SSBP2: variants seen among roughly 807,000 people sequenced by gnomAD.
SSBP2 encodes the protein single stranded DNA binding protein 2.
SSBP2 carries 17 observed loss-of-function variants against 61.8 expected under a neutral mutation model. The observed-to-expected ratio is 0.28, with a 90% CI of 0.19 to 0.41. The LOEUF (loss-of-function observed/expected upper bound fraction) is 0.41. Among genes scored for constraint, SSBP2 ranks in the 10% least tolerant of loss-of-function variants. The pLI, the probability that SSBP2 is intolerant of heterozygous loss-of-function variation, is 1.00. For synonymous variants in SSBP2, 139 were observed against 141.3 expected (o/e 0.98, Z 0.12); for missense variants, 310 against 458.7 (o/e 0.68, Z 2.96).
intron 1 of SSBP2, among the ~76,000 whole-genome samples, chr5:81,664,710 C>G (rs1750967518): frequency 6.6e-6 from 1 of 152,170 alleles, no homozygotes; most frequent in Admixed American, 6.5e-5. Flanking sequence ...TTTCTATACA[C>G]AAACAGGAAT....
At position 81,650,327 on chromosome 5, in the gene SSBP2, G is replaced by A. The variant is rs144521029; in HGVS notation, c.75C>T (p.Tyr25=). ...CTACATGGAGCAGATATTCATATAC[G>A]TAGAGTGCTAACCTGGAAAACAAAT... The change falls in exon 2 of 17, where the codon TAC becomes TAT. Residue 25 remains tyrosine, a synonymous_variant. Coordinates refer to ENST00000320672, the MANE Select transcript of SSBP2 (RefSeq NM_012446.5). 154 of 1,581,008 alleles carry A rather than the reference G, an allele frequency of 9.7e-5. No individual in the cohort carries two copies. The African/African-American group carries it at 1.6e-3, about 17-fold the overall frequency.
At chr5:81,576,919 T>G (rs1402400791) in intron 4 of SSBP2, among the ~76,000 whole-genome samples, 2 of 152,024 alleles carry the variant, frequency 1.3e-5, no homozygotes, top group South Asian at 2.1e-4. Flanking sequence ...TTAGTTTTCC[T>G]TGGCTGGGTT....
intron 9 of SSBP2, 22 bp from the exon 10 acceptor site, chr5:81,461,125 G>T: frequency 6.4e-7 from 1 of 1,560,874 alleles, no homozygotes; most frequent in Non-Finnish European, 8.7e-7. Context: ...TTTGATAAAT[G>T]AAATTTTAAC....
chr5:81,543,665 G>GA (rs887883090), intron 4 of SSBP2, among the ~76,000 whole-genome samples: 3 of 151,106 alleles, frequency 2.0e-5, no homozygotes, highest in East Asian at 1.9e-4. Context: ...AATAAAAGTT[G>GA]AAAAAAAAGA....
intron 14 of SSBP2, 64 bp from the exon 15 acceptor site, chr5:81,437,522 C>G: frequency 7.2e-7 from 1 of 1,381,860 alleles, no homozygotes; most frequent in Non-Finnish European, 1.0e-6. Context: ...TTAAACACTC[C>G]TTTAATTTAA....
intron 5 of SSBP2, among the ~76,000 whole-genome samples, chr5:81,510,986 T>A (rs1768561273): frequency 6.6e-6 from 1 of 152,108 alleles, no homozygotes; most frequent in Non-Finnish European, 1.5e-5. Flanking sequence ...CTGCAGTCCC[T>A]CTCAAGCTTC....
rs114202935 is a variant in SSBP2 at position 81,575,460 on chromosome 5, T to C, written c.282+40013A>G. 7.9e-3 allele frequency among the ~76,000 whole-genome samples: 1,209 copies of C among 152,266 alleles called. 12 individuals carry two copies. The highest frequency in any genetic ancestry group is 0.027 in the African/African-American group (1,131 of 41,548). The stretch of plus-strand genomic sequence containing the variant: ...AGGAAATGGTAATAGTATTATTTTA[T>C]ATCATATGTTAATAAATCAAGGATA... On this transcript the variant is annotated intron_variant, in intron 4 of 16. Coordinates refer to ENST00000320672, the MANE Select transcript of SSBP2 (RefSeq NM_012446.5).
chr5:81,725,636 G>C (rs1581426639), intron 1 of SSBP2, among the ~76,000 whole-genome samples: 2 of 152,264 alleles, frequency 1.3e-5, no homozygotes, highest in East Asian at 3.9e-4. Flanking sequence ...CCAGAGATGT[G>C]GTAAGTGCAT....
intron 15 of SSBP2, among the ~76,000 whole-genome samples, chr5:81,434,415 T>TC (rs778298882): frequency 6.6e-5 from 10 of 151,844 alleles, no homozygotes; most frequent in Non-Finnish European, 1.3e-4. Context: ...CCCAGAACTT[T>TC]GAGAGGCCGA....
At chr5:81,493,557 C>G (rs1231532057) in intron 5 of SSBP2, among the ~76,000 whole-genome samples, 1 of 152,110 alleles carries the variant, frequency 6.6e-6, no homozygotes, top group Non-Finnish European at 1.5e-5. Context: ...AGTTCAAGGC[C>G]ATCCTGGCCA....
intron 4 of SSBP2, among the ~76,000 whole-genome samples, chr5:81,563,368 C>A (rs1194609209): frequency 6.6e-6 from 1 of 152,022 alleles, no homozygotes; most frequent in East Asian, 1.9e-4. Flanking sequence ...TCAAAGCAGA[C>A]CATAGAACAA....
intron 3 of SSBP2, among the ~76,000 whole-genome samples, chr5:81,631,671 T>C (rs1347980690): frequency 6.6e-6 from 1 of 152,156 alleles, no homozygotes; most frequent in Non-Finnish European, 1.5e-5. Context: ...TGGGTCTACT[T>C]AGAATTATTT....
chr5:81,435,925 C>T (rs1051259931), intron 15 of SSBP2, among the ~76,000 whole-genome samples: 4 of 152,084 alleles, frequency 2.6e-5, no homozygotes, highest in South Asian at 2.1e-4. Flanking sequence ...CAGTGGGTCA[C>T]GCCTGTAATC....
Position 81,706,798 on chromosome 5 carries a change from A to G in SSBP2, c.62+44183T>C, listed in dbSNP as rs142320795. On this transcript the variant is annotated intron_variant, in intron 1 of 16. Coordinates refer to ENST00000320672, the MANE Select transcript of SSBP2 (RefSeq NM_012446.5). Reference sequence around the variant, plus strand: ...AACAAAACAGAGCTAGGTACTTGATAGTCTGATTAATCTCAACTTTCCTTC... The same window carrying G: ...AACAAAACAGAGCTAGGTACTTGATGGTCTGATTAATCTCAACTTTCCTTC... Among the ~76,000 whole-genome samples, 6 of 152,310 alleles carry G rather than the reference A, an allele frequency of 3.9e-5. No individual in the cohort carries two copies. The East Asian group carries it at 1.2e-3, about 29-fold the overall frequency.
At chr5:81,540,272 T>C (rs1448409758) in intron 4 of SSBP2, among the ~76,000 whole-genome samples, 1 of 152,212 alleles carries the variant, frequency 6.6e-6, no homozygotes, top group African/African-American at 2.4e-5. Flanking sequence ...ATGGGATCGC[T>C]GGGACAAATG....
At position 81,679,910 on chromosome 5, in the gene SSBP2, T is replaced by C. The variant is rs192364913; in HGVS notation, c.63-29571A>G. ...AAAAGATTGCCCTCACTAATAAGAATGGGCATCATCCAATCTGGTGAAGGC... is the reference window on the plus strand; with the variant it reads ...AAAAGATTGCCCTCACTAATAAGAACGGGCATCATCCAATCTGGTGAAGGC... On this transcript the variant is annotated intron_variant, in intron 1 of 16. Transcript: ENST00000320672. 2.0e-3 allele frequency among the ~76,000 whole-genome samples: 295 copies of C among 148,042 alleles called. 5 individuals are homozygous for C. The highest frequency in any genetic ancestry group is 0.017 in the Admixed American group (254 of 14,672).
chr5:81,692,955 C>T (rs1261206398), intron 1 of SSBP2, among the ~76,000 whole-genome samples: 5 of 151,974 alleles, frequency 3.3e-5, no homozygotes, highest in Non-Finnish European at 7.4e-5. Context: ...CCTGTAATCC[C>T]AGCACTTTGG....
intron 1 of SSBP2, among the ~76,000 whole-genome samples, chr5:81,734,827 C>T (rs1005321670): frequency 4.6e-5 from 7 of 151,806 alleles, no homozygotes; most frequent in African/African-American, 7.3e-5. Context: ...AAAAACTAGC[C>T]GGGCGTGGAG....
chr5:81,536,154 T>C (rs1321953051), intron 4 of SSBP2, among the ~76,000 whole-genome samples: 2 of 152,110 alleles, frequency 1.3e-5, no homozygotes, highest in Non-Finnish European at 2.9e-5. Context: ...TAATATGTTA[T>C]TGGGGAAATG....
Sources: allele counts gnomAD v4.1 joint callset (sites outside exome capture counted in the v4.1 genomes callset), GRCh38; gene constraint gnomAD v4.1.1; transcripts MANE v1.5; gene names NCBI Gene and HGNC (gene_info 2026-07-23, HGNC 2026-07-21).